MGAM2: variants seen among roughly 807,000 people sequenced by gnomAD.
The protein encoded by MGAM2 is probable maltase-glucoamylase 2.
Under a neutral mutation model 96.1 loss-of-function variants are expected in MGAM2, and 98 were observed. The ratio of observed to expected loss-of-function variants is 1.02; its 90% CI spans 0.87 to 1.21. The LOEUF (loss-of-function observed/expected upper bound fraction) is 1.21. Among genes scored for constraint, MGAM2 ranks in the 50% most tolerant of loss-of-function variants. The pLI, the probability that MGAM2 is intolerant of heterozygous loss-of-function variation, is 0.00. For missense variants in MGAM2, 2,055 were observed against 1,182.4 expected, an observed-to-expected ratio of 1.74 and a Z score of -10.82; for synonymous variants, 749 against 414.8, an observed-to-expected ratio of 1.81 and a Z score of -9.79.
chr7:142,121,912 A>G (rs1794585125), intron 3 of MGAM2, among the ~76,000 whole-genome samples: 2 of 152,094 alleles, frequency 1.3e-5, no homozygotes, highest in Admixed American at 1.3e-4. Context: ...TAAAGTGATG[A>G]TGGTTGGCAA....
At chr7:142,162,331 G>A (rs1211175419) in intron 23 of MGAM2, among the ~76,000 whole-genome samples, 2 of 152,062 alleles carry the variant, frequency 1.3e-5, no homozygotes, top group Admixed American at 6.5e-5. Flanking sequence ...GGGTTAGTGA[G>A]TGGTATGGCA....
chr7:142,207,847 G>A (rs1300262864), intron 45 of MGAM2, among the ~76,000 whole-genome samples: 1 of 152,126 alleles, frequency 6.6e-6, no homozygotes, highest in African/African-American at 2.4e-5. Context: ...CATAAATGTA[G>A]CTTGAAAAAG....
chr7:142,202,303 G>A (rs1328610757), intron 45 of MGAM2, among the ~76,000 whole-genome samples: 1 of 152,086 alleles, frequency 6.6e-6, no homozygotes, highest in Non-Finnish European at 1.5e-5. Context: ...TATATAAAAT[G>A]ATAATATTTT....
At chr7:142,194,961 G>C (rs541701252) in intron 37 of MGAM2, among the ~76,000 whole-genome samples, 8 of 152,152 alleles carry the variant, frequency 5.3e-5, no homozygotes, top group African/African-American at 1.9e-4. Flanking sequence ...CACAGTTGTT[G>C]TTATTTTCTA....
chr7:142,204,812 A>C, intron 45 of MGAM2, among the ~76,000 whole-genome samples: 1 of 152,100 alleles, frequency 6.6e-6, no homozygotes, highest in East Asian at 1.9e-4. Flanking sequence ...AAATAAAGTT[A>C]GTGTGGTTAA....
chr7:142,199,276 A>T (rs1797145702), intron 44 of MGAM2, among the ~76,000 whole-genome samples: 1 of 152,260 alleles, frequency 6.6e-6, no homozygotes, highest in Non-Finnish European at 1.5e-5. Context: ...CATAATAACA[A>T]GTCAAAAGGA....
At chr7:142,127,802 C>T (rs1369650813) in intron 3 of MGAM2, among the ~76,000 whole-genome samples, 1 of 152,158 alleles carries the variant, frequency 6.6e-6, no homozygotes, top group East Asian at 1.9e-4. Context: ...AACTGTGAGT[C>T]CATTAAATGT....
rs1318447143 is a variant in MGAM2 at position 142,186,208 on chromosome 7, G to C, written c.4122+85G>C. On this transcript the variant is annotated intron_variant, in intron 35 of 47. Transcript: ENST00000477922. Reference sequence around the variant, plus strand: ...GGGGAGGAGAGACTAGCAAAGCAGAGACATAGGGCTGAAGAGATGAAAGGG... The same window carrying C: ...GGGGAGGAGAGACTAGCAAAGCAGACACATAGGGCTGAAGAGATGAAAGGG... 8 of 664,458 alleles carry C rather than the reference G, an allele frequency of 1.2e-5. No individual in the cohort carries two copies. The Admixed American group carries it at 1.6e-4, about 13-fold the overall frequency. The allele number at this position is 664,458 out of a possible 1,614,324, so 41.2% of individuals were successfully genotyped here.
intron 12 of MGAM2, among the ~76,000 whole-genome samples, chr7:142,143,258 G>T (rs71552639): frequency 0.19 from 28,822 of 152,014 alleles, 2,882 homozygotes; most frequent in East Asian, 0.26. Context: ...TGTTTGATAG[G>T]CATAGACAGA....
At position 142,156,776 on chromosome 7, in the gene MGAM2, A is replaced by G. The variant is rs144084183; in HGVS notation, c.1924-1161A>G. Among the ~76,000 whole-genome samples the G allele has an allele frequency of 3.5e-4, 54 of 152,346 alleles. No individual in the cohort carries two copies. In the East Asian group the frequency reaches 4.4e-3, roughly 13 times the overall value. On this transcript the variant is annotated intron_variant, in intron 17 of 47. Transcript: ENST00000477922. ...GGCCTCTTAGGGAGCAAAAGAAAAA[A>G]AAGTTCAGGTAACTTTATCCAAAAC...
Position 142,175,764 on chromosome 7 carries a change from G to T in MGAM2, c.3800G>T (p.Arg1267Ile), listed in dbSNP as rs754103192. 1.4e-6 allele frequency: 1 copy of T among 702,696 alleles called. No homozygotes were observed. The allele number at this position is 702,696 out of a possible 1,614,324, so 43.5% of individuals were successfully genotyped here. Residue 1267 changes from arginine to isoleucine, a missense_variant, in exon 32 of 48, where the codon AGA (arginine) becomes ATA (isoleucine). Arg to Ile is a moderately conservative substitution (Grantham distance 97). Transcript: ENST00000477922. ...GAGCAAATGAAGAAAAATGGCATGA[G>T]ATTTATTCTCATTTTGGTATGTATT... The part of the protein sequence containing the change: ...LIEQMKKNGM[R>I]FILILDPAIS...
chr7:142,210,554 G>C (rs551458477), intron 46 of MGAM2, among the ~76,000 whole-genome samples: 2 of 152,300 alleles, frequency 1.3e-5, no homozygotes, highest in African/African-American at 4.8e-5. Flanking sequence ...TCCCCTCACA[G>C]TGTAAACAAA....
rs1473336384 is a variant in MGAM2, at chr7:142,153,254, C to T, written c.1635-764C>T. On this transcript the variant is annotated intron_variant, in intron 15 of 47. Transcript: ENST00000477922. ...TGACCTCGTGATCCACCCGCCTCAG[C>T]CTCCCAAAGTGCTGGGATTATAGGC... Among the ~76,000 whole-genome samples, 4 of 152,296 alleles carry T rather than the reference C, an allele frequency of 2.6e-5. No homozygotes were observed. The South Asian group carries it at 6.2e-4, about 24-fold the overall frequency.
At chr7:142,184,266 C>T (rs992428208) in intron 33 of MGAM2, among the ~76,000 whole-genome samples, 1 of 152,114 alleles carries the variant, frequency 6.6e-6, no homozygotes, top group Non-Finnish European at 1.5e-5. Flanking sequence ...AGCCACTGTG[C>T]CTGGCCCTGT....
intron 45 of MGAM2, among the ~76,000 whole-genome samples, chr7:142,207,786 C>T (rs756346668): frequency 4.6e-5 from 7 of 151,770 alleles, no homozygotes; most frequent in Non-Finnish European, 1.0e-4. Context: ...GGTAGTAGCT[C>T]GATATAAATA....
At chr7:142,114,215 A>AAAGAAAGAAAGAAAGAAAGG in intron 1 of MGAM2, among the ~76,000 whole-genome samples, 1 of 90,100 alleles carries the variant, frequency 1.1e-5, no homozygotes, top group Non-Finnish European at 2.1e-5. Flanking sequence ...AGAAAGAAAG[A>AAAGAAAGAAAGAAAGAAAGG]GAGAAAGAAA....
At chr7:142,144,743 T>A in intron 13 of MGAM2, 118 bp from the exon 14 acceptor site, 1 of 531,246 alleles carries the variant, frequency 1.9e-6, no homozygotes, top group Non-Finnish European at 3.3e-6. Flanking sequence ...TTATTTAAAA[T>A]CCAAAAAGCA....
At chr7:142,150,968 C>G (rs1795563616) in intron 15 of MGAM2, among the ~76,000 whole-genome samples, 1 of 152,146 alleles carries the variant, frequency 6.6e-6, no homozygotes, top group South Asian at 2.1e-4. Flanking sequence ...TCTATAAAAC[C>G]TCATCTCCAA....
intron 35 of MGAM2, among the ~76,000 whole-genome samples, chr7:142,186,917 G>T (rs1436144743): frequency 6.6e-6 from 1 of 151,828 alleles, no homozygotes; most frequent in African/African-American, 2.4e-5. Flanking sequence ...AGAGTTGTGG[G>T]CAGCTTTGAG....
Sources: gnomAD v4.1 joint callset for allele counts (sites outside exome capture counted in the v4.1 genomes callset) on GRCh38, gnomAD v4.1.1 for gene constraint, MANE v1.5 for transcripts, NCBI Gene and HGNC (gene_info 2026-07-23, HGNC 2026-07-21) for gene names.